Variants in GUCY1A2 observed in about 807,000 individuals in gnomAD.
GUCY1A2 encodes the protein guanylate cyclase 1 soluble subunit alpha 2.
GUCY1A2 carries 27 observed loss-of-function variants against 63.5 expected under a neutral mutation model. That is an observed-to-expected ratio of 0.43 (90% CI 0.31 to 0.59). The LOEUF (loss-of-function observed/expected upper bound fraction) is 0.59, where lower values mean the gene tolerates loss of function less well. Ranked by LOEUF, GUCY1A2 falls within the 20% of genes least tolerant of loss-of-function variation. The pLI is 0.11. For synonymous variants in GUCY1A2, 364 were observed against 343.5 expected (o/e 1.06, Z -0.66); for missense variants, 768 against 913.3 (o/e 0.84, Z 2.05).
intron 3 of GUCY1A2, among the ~76,000 whole-genome samples, chr11:106,978,288 A>G (rs1861289260): frequency 6.6e-6 from 1 of 152,168 alleles, no homozygotes; most frequent in Non-Finnish European, 1.5e-5. Flanking sequence ...GACTGAGAGG[A>G]AAAAAAGATC....
chr11:106,744,244 C>CTTTTTT (rs5794491), intron 6 of GUCY1A2, among the ~76,000 whole-genome samples: 1 of 112,694 alleles, frequency 8.9e-6, no homozygotes, highest in African/African-American at 3.7e-5. Context: ...AACATAAATG[C>CTTTTTT]TTTTTTTTTT....
At position 106,681,853 on chromosome 11, in the gene GUCY1A2, G is replaced by A. The variant is rs985171993; in HGVS notation, c.*5696C>T. 1 of 215,630 alleles carries A rather than the reference G, an allele frequency of 4.6e-6. No homozygotes were observed. The highest frequency in any genetic ancestry group is 9.3e-6 in the Non-Finnish European group (1 of 107,022). 13.4% of individuals were successfully genotyped at this position (215,630 alleles called of 1,614,324 possible). On this transcript the variant is annotated 3_prime_UTR_variant, in exon 8 of 8. Coordinates refer to ENST00000526355, the MANE Select transcript of GUCY1A2 (RefSeq NM_000855.3). ...GGTATTGCTTGGAAATCAGTTTTCA[G>A]ATAATGTACAATTCAATATGAAAAG... is the stretch of plus-strand genomic sequence containing the variant.
At chr11:106,908,042 G>A (rs1273247132) in intron 4 of GUCY1A2, among the ~76,000 whole-genome samples, 13 of 152,088 alleles carry the variant, frequency 8.5e-5, no homozygotes, top group Admixed American at 8.5e-4. Context: ...AAACTTCAGT[G>A]TTAGTAGTAT....
At chr11:106,969,854 T>C (rs1861172255) in intron 3 of GUCY1A2, among the ~76,000 whole-genome samples, 2 of 152,192 alleles carry the variant, frequency 1.3e-5, no homozygotes, top group Non-Finnish European at 2.9e-5. Flanking sequence ...CAGAGGCTAA[T>C]GGTGTGACCC....
intron 3 of GUCY1A2, among the ~76,000 whole-genome samples, chr11:106,964,053 GTA>G (rs1491429477): frequency 6.7e-5 from 10 of 149,480 alleles, no homozygotes; most frequent in Non-Finnish European, 1.3e-4. Flanking sequence ...ACATACACAC[GTA>G]TACACACACA....
At chr11:106,990,802 T>C (rs1016635516) in intron 1 of GUCY1A2, among the ~76,000 whole-genome samples, 15 of 152,166 alleles carry the variant, frequency 9.9e-5, no homozygotes, top group African/African-American at 3.4e-4. Flanking sequence ...AGGCTCCCTC[T>C]TACCTTTCAC....
intron 1 of GUCY1A2, among the ~76,000 whole-genome samples, chr11:106,994,147 C>G (rs1410934489): frequency 6.6e-6 from 1 of 152,158 alleles, no homozygotes; most frequent in African/African-American, 2.4e-5. Context: ...TCTGGGGATT[C>G]AAACTAATAA....
chr11:106,701,945 T>A (rs2135344199), intron 7 of GUCY1A2, among the ~76,000 whole-genome samples: 1 of 152,298 alleles, frequency 6.6e-6, no homozygotes, highest in Admixed American at 6.5e-5. Flanking sequence ...ATTATTGTTT[T>A]TTTCCATGTT....
chr11:106,953,534 T>C (rs1166079093), intron 3 of GUCY1A2, among the ~76,000 whole-genome samples: 1 of 152,240 alleles, frequency 6.6e-6, no homozygotes, highest in Non-Finnish European at 1.5e-5. Context: ...GCTGGCTTCA[T>C]AAAATGAGTT....
Position 106,704,491 on chromosome 11 carries a change from A to G in GUCY1A2, c.1991+4021T>C, listed in dbSNP as rs1862872814. ...ACCACTGCCTAATCTGCTCGACTGT[A>G]CATGCTCTCATACAATGAGCTGTTC... is the stretch of plus-strand genomic sequence containing the variant. On this transcript the variant is annotated intron_variant, in intron 7 of 7. Transcript: ENST00000526355. Among the ~76,000 whole-genome samples the G allele has an allele frequency of 1.3e-5, 2 of 152,202 alleles. 1 individual carries two copies. Among genetic ancestry groups the G allele is most frequent in the South Asian group, 4.1e-4 (2 of 4,832 alleles).
At chr11:106,858,584 C>G (rs1045268412) in intron 4 of GUCY1A2, among the ~76,000 whole-genome samples, 3 of 152,100 alleles carry the variant, frequency 2.0e-5, no homozygotes, top group African/African-American at 7.2e-5. Context: ...TCCATCTAAA[C>G]TCAGAACCAG....
In GUCY1A2 at chr11:106,676,407, T is replaced by C. The variant is rs904657521; in HGVS notation, c.*11142A>G. 1.6e-5 allele frequency: 3 copies of C among 186,712 alleles called. No individual in the cohort carries two copies. The highest frequency in any genetic ancestry group is 4.7e-5 in the African/African-American group (2 of 42,632). The allele number at this position is 186,712 out of a possible 1,614,324, so 11.6% of individuals were successfully genotyped here. On this transcript the variant is annotated 3_prime_UTR_variant, in exon 8 of 8. Coordinates refer to ENST00000526355, the MANE Select transcript of GUCY1A2 (RefSeq NM_000855.3). ...TTTTTTTTTTTTGTATTTAATAAAATGGCAATTTGTAAATTCTGGTGAATA... is the reference window on the plus strand; with the variant it reads ...TTTTTTTTTTTTGTATTTAATAAAACGGCAATTTGTAAATTCTGGTGAATA...
intron 7 of GUCY1A2, among the ~76,000 whole-genome samples, chr11:106,691,593 G>A (rs1862626560): frequency 6.6e-6 from 1 of 152,146 alleles, no homozygotes; most frequent in Non-Finnish European, 1.5e-5. Flanking sequence ...AAAGAAGATG[G>A]TACCAGCTGC....
intron 4 of GUCY1A2, among the ~76,000 whole-genome samples, chr11:106,937,759 A>C (rs1028201224): frequency 6.6e-6 from 1 of 152,236 alleles, no homozygotes; most frequent in African/African-American, 2.4e-5. Flanking sequence ...TATTTAAAAC[A>C]TCATATGATC....
chr11:106,992,459 A>G (rs1398258489), intron 1 of GUCY1A2, among the ~76,000 whole-genome samples: 1 of 150,380 alleles, frequency 6.6e-6, no homozygotes. Flanking sequence ...TCTCCCAAGT[A>G]GCTGGGACTA....
intron 4 of GUCY1A2, among the ~76,000 whole-genome samples, chr11:106,906,422 T>G (rs1191982813): frequency 6.6e-6 from 1 of 152,152 alleles, no homozygotes; most frequent in East Asian, 1.9e-4. Flanking sequence ...ATGGTGATCA[T>G]TAAAAAGTCA....
At chr11:106,784,342 G>A (rs1864519594) in intron 5 of GUCY1A2, among the ~76,000 whole-genome samples, 1 of 152,056 alleles carries the variant, frequency 6.6e-6, no homozygotes, top group Non-Finnish European at 1.5e-5. Flanking sequence ...CTGAAAGCAG[G>A]ATGCTCACCA....
intron 4 of GUCY1A2, among the ~76,000 whole-genome samples, chr11:106,838,018 A>G (rs538890927): frequency 6.6e-6 from 1 of 151,892 alleles, no homozygotes; most frequent in South Asian, 2.1e-4. Context: ...TACTTTCCTC[A>G]CAGGCTGGAA....
At chr11:106,883,154 T>A (rs1396489730) in intron 4 of GUCY1A2, among the ~76,000 whole-genome samples, 1 of 152,092 alleles carries the variant, frequency 6.6e-6, no homozygotes, top group African/African-American at 2.4e-5. Flanking sequence ...TTAAATTCAT[T>A]CTTTCCTCTG....
Sources: gnomAD v4.1 joint callset for allele counts (sites outside exome capture counted in the v4.1 genomes callset) on GRCh38, gnomAD v4.1.1 for gene constraint, MANE v1.5 for transcripts, NCBI Gene and HGNC (gene_info 2026-07-23, HGNC 2026-07-21) for gene names.